Variants in UNC13D observed in about 807,000 individuals in gnomAD.
UNC13D encodes unc-13 homolog D.
A neutral mutation model predicts 151.7 loss-of-function variants in UNC13D; 115 were observed. The observed-to-expected ratio is 0.76, with a 90% CI of 0.65 to 0.88. The LOEUF is 0.88. Among genes scored for constraint, UNC13D ranks in the 40% least tolerant of loss-of-function variants. The pLI is 0.00. For synonymous variants in UNC13D, 588 were observed against 612.2 expected (o/e 0.96, Z 0.58); for missense variants, 1,369 against 1,438.7 (o/e 0.95, Z 0.78).
chr17:75,844,065 T>G, intron 1 of UNC13D, 156 bp downstream of exon 1: 9 of 1,462,522 alleles, frequency 6.2e-6, no homozygotes, highest in Non-Finnish European at 8.2e-6. Context: ...CCTGCTCTGC[T>G]GGCCCAGGGG....
rs777304301 is a variant in UNC13D at position 75,827,917 on chromosome 17, C to T, written c.*48G>A. The T allele has an allele frequency of 5.0e-6, 8 of 1,597,120 alleles. No individual in the cohort carries two copies. The Admixed American group carries it at 1.4e-4, about 27-fold the overall frequency. On this transcript the variant is annotated 3_prime_UTR_variant, in exon 32 of 32. Coordinates refer to ENST00000207549, the MANE Select transcript of UNC13D (RefSeq NM_199242.3). ...GAAGCCCCAGACCCTACAGGAAAGCCCTTGCAAGTCCCCACCGGGGACCCA... is the reference window on the plus strand; with the variant it reads ...GAAGCCCCAGACCCTACAGGAAAGCTCTTGCAAGTCCCCACCGGGGACCCA...
intron 12 of UNC13D, 51 bp downstream of exon 12, chr17:75,839,788 G>A: frequency 1.3e-6 from 2 of 1,583,810 alleles, no homozygotes; most frequent in East Asian, 2.2e-5. Context: ...GGAGGGCAGG[G>A]GGCGTGGGGG....
intron 31 of UNC13D, 117 bp downstream of exon 31, chr17:75,828,670 A>T: frequency 8.3e-7 from 1 of 1,202,016 alleles, no homozygotes; most frequent in Non-Finnish European, 1.1e-6. Flanking sequence ...TGGCTGTCCC[A>T]CTGGCTCCCG....
At position 75,831,098 on chromosome 17, in the gene UNC13D, C is replaced by G. The variant is rs759861038; in HGVS notation, c.2625G>C (p.Gln875His). The change falls in exon 27 of 32, where the codon CAG (glutamine) becomes CAC (histidine). Residue 875 changes from glutamine to histidine, a missense_variant and splice_region_variant. By Grantham distance (24) the Gln-to-His change is conservative. Transcript: ENST00000207549. ...GGGGAAGCTCACCCAAAGCCCCTACCTGGAAGGTGGCAGTGTGCAGGGCCT... is the reference window on the plus strand; with the variant it reads ...GGGGAAGCTCACCCAAAGCCCCTACGTGGAAGGTGGCAGTGTGCAGGGCCT... The part of the protein sequence containing the change: ...PPKALHTATF[Q>H]ALQRDLELQA... 2 of 1,613,924 alleles carry G rather than the reference C, an allele frequency of 1.2e-6. No individual in the cohort carries two copies. Among genetic ancestry groups the G allele is most frequent in the South Asian group, 1.1e-5 (1 of 91,086 alleles).
chr17:75,828,899 G>A lies in UNC13D; in HGVS notation c.3039C>T (p.Asp1013=), dbSNP rs769897808. Residue 1013 remains aspartate (D), a synonymous_variant, in exon 31 of 32, where the codon GAC becomes GAT. Transcript: ENST00000207549. Reference sequence around the variant, plus strand: ...GCGGCAGGAAGGCCTCGCCTTCCAGGTCGTCGGCCCCCAGCGTGTCGTAGT... The same window carrying A: ...GCGGCAGGAAGGCCTCGCCTTCCAGATCGTCGGCCCCCAGCGTGTCGTAGT... ...VLDYDTLGAD[D]LEGEAFLPLR... is the part of the protein sequence containing the mutation. The A allele has an allele frequency of 1.4e-4, 220 of 1,607,020 alleles. No homozygotes were observed. Among genetic ancestry groups the A allele is most frequent in the Non-Finnish European group, 1.8e-4 (217 of 1,179,602 alleles).
Position 75,832,739 on chromosome 17 carries a change from C to T in UNC13D, c.2447+227G>A. ...GTCCCTGCAGCGAGCCTTAGCAGAG[C>T]CTGTTGCACCCATAAGGGAGGTCAC... On this transcript the variant is annotated intron_variant, in intron 25 of 31. Transcript: ENST00000207549. The surrounding 1 kb of genome is among the most constrained non-coding windows in gnomAD (Gnocchi z 4.3). 1 of 498,298 alleles carries T rather than the reference C, an allele frequency of 2.0e-6. No homozygotes were observed. Among genetic ancestry groups the T allele is most frequent in the Non-Finnish European group, 3.7e-6 (1 of 268,446 alleles). 30.9% of individuals were successfully genotyped at this position (498,298 alleles called of 1,614,324 possible).
intron 31 of UNC13D, 136 bp from the exon 32 acceptor site, chr17:75,828,222 C>T (rs2062137548): frequency 1.7e-5 from 23 of 1,341,656 alleles, no homozygotes; most frequent in African/African-American, 4.4e-5. Context: ...GTGACAGACC[C>T]GCGCCAGCCC....
At chr17:75,834,191 G>A in intron 23 of UNC13D, 48 bp from the exon 24 acceptor site, 1 of 1,609,426 alleles carries the variant, frequency 6.2e-7, no homozygotes. Context: ...CATGAGTCGG[G>A]GATGGAAGAG....
intron 1 of UNC13D, 169 bp from the exon 2 acceptor site, chr17:75,843,688 G>A (rs1345523077): frequency 6.8e-7 from 1 of 1,467,642 alleles, no homozygotes; most frequent in Admixed American, 2.3e-5. Flanking sequence ...GCCTCCTGGA[G>A]GTCCGTCCCT....
In UNC13D at chr17:75,830,663, TG is replaced by T; in HGVS notation, c.2626-3del. Reference sequence around the variant, plus strand: ...CAGCTCCAGGTCCCTCTGCAGAGCCTGGGAACACATACAGCTGAGGATCCAC... The same window carrying T: ...CAGCTCCAGGTCCCTCTGCAGAGCCTGGAACACATACAGCTGAGGATCCAC... On this transcript the variant is annotated splice_region_variant and splice_polypyrimidine_tract_variant and intron_variant, in intron 27 of 31. Coordinates refer to ENST00000207549, the MANE Select transcript of UNC13D (RefSeq NM_199242.3). 1 of 1,553,148 alleles carries T rather than the reference TG, an allele frequency of 6.4e-7. No homozygotes were observed. Among genetic ancestry groups the T allele is most frequent in the Non-Finnish European group, 8.7e-7 (1 of 1,148,550 alleles).
At position 75,842,861 on chromosome 17, in the gene UNC13D, G is replaced by A. The variant is rs753392144; in HGVS notation, c.384C>T (p.Val128=). Residue 128 remains valine (V), a synonymous_variant, in exon 5 of 32, where the codon GTC becomes GTT. Transcript: ENST00000207549. The part of the protein sequence containing the change: ...KQAKGILGKD[V]SGFSDPYCLL... ...GGGACCCCACCCCATGCTCACCACT[G>A]ACATCTTTGCCCAGAATGCCCTTGG... The A allele has an allele frequency of 6.2e-7, 1 of 1,613,502 alleles. No individual in the cohort carries two copies. Among genetic ancestry groups the A allele is most frequent in the Non-Finnish European group, 8.5e-7 (1 of 1,179,944 alleles).
At chr17:75,835,828 T>C (rs2064904491) in intron 18 of UNC13D, 27 bp downstream of exon 18, 1 of 1,614,008 alleles carries the variant, frequency 6.2e-7, no homozygotes, top group African/African-American at 1.3e-5. Context: ...TTGGAGGGCA[T>C]GCCCTAGAGA....
chr17:75,836,890 G>C lies in UNC13D; in HGVS notation c.1084C>G (p.Gln362Glu), dbSNP rs1432753375. ...CAGCTGCTGGGGAACTCCAGGCTCT[G>C]GTAGAGGCGGCTGTAGGCCAGCCAC... is the stretch of plus-strand genomic sequence containing the variant. ...AQWLAYSRLY[Q>E]SLEFPSSCLL... The change falls in exon 13 of 32, where the codon CAG becomes GAG. Residue 362 changes from glutamine (Q) to glutamate (E), a missense_variant. Transcript: ENST00000207549. 1 of 1,613,386 alleles carries C rather than the reference G, an allele frequency of 6.2e-7. No individual in the cohort carries two copies.
In UNC13D at chr17:75,833,324, CT is replaced by C. The variant is rs1464929923; in HGVS notation, c.2368-280del. The C allele has an allele frequency of 3.1e-6, 1 of 326,072 alleles. No homozygotes were observed. Among genetic ancestry groups the C allele is most frequent in the Non-Finnish European group, 5.9e-6 (1 of 169,108 alleles). The allele number at this position is 326,072 out of a possible 1,614,324, so 20.2% of individuals were successfully genotyped here. On this transcript the variant is annotated intron_variant, in intron 24 of 31. Transcript: ENST00000207549. This position sits in a 1 kb window ranked among gnomAD's most constrained non-coding sequence, Gnocchi z 4.0. Reference sequence around the variant, plus strand: ...GCCGTTCCCTCTGCCTGGAATGCTCCTCCCCTAGAACTTCTCATGCCTCCTC... The same window carrying C: ...GCCGTTCCCTCTGCCTGGAATGCTCCCCCCTAGAACTTCTCATGCCTCCTC...
chr17:75,835,583 G>T, intron 19 of UNC13D, 54 bp from the exon 20 acceptor site: 1 of 1,610,246 alleles, frequency 6.2e-7, no homozygotes, highest in East Asian at 2.2e-5. Flanking sequence ...ATGGACCCTG[G>T]GGCCTCGTCC....
rs752587161 is a variant in UNC13D at position 75,843,156 on chromosome 17, C to T, written c.261+3G>A. The T allele has an allele frequency of 6.2e-7, 1 of 1,611,730 alleles. No homozygotes were observed. The highest frequency in any genetic ancestry group is 8.5e-7 in the Non-Finnish European group (1 of 1,179,918). On this transcript the variant is annotated splice_donor_region_variant and intron_variant, in intron 3 of 31. Transcript: ENST00000207549. ...AGGGGGGTGGGGTGGGAGCCGGGCT[C>T]ACCTCCTGCAGGTATCGCAGCAGCT...
rs1286966854 is a variant in UNC13D at position 75,832,923 on chromosome 17, G to C, written c.2447+43C>G. On this transcript the variant is annotated intron_variant, in intron 25 of 31. Transcript: ENST00000207549. This position sits in a 1 kb window ranked among gnomAD's most constrained non-coding sequence, Gnocchi z 4.3. ...AGGAAGGAGGGGCCGTGGGAGGAGA[G>C]GGGGAGGTGGCGAGCGCGCCCAGGG... is the stretch of plus-strand genomic sequence containing the variant. The C allele has an allele frequency of 1.9e-6, 3 of 1,542,342 alleles. No individual in the cohort carries two copies. Among genetic ancestry groups the C allele is most frequent in the East Asian group, 2.4e-5 (1 of 42,196 alleles).
At position 75,839,994 on chromosome 17, in the gene UNC13D, C is replaced by A. The variant is rs536455185; in HGVS notation, c.951+24G>T. ...AGGACCTGAAGGGCAGCCCCGGCTGCGCCCAGCCCCAGGAGGGCAATACCT... is the reference window on the plus strand; with the variant it reads ...AGGACCTGAAGGGCAGCCCCGGCTGAGCCCAGCCCCAGGAGGGCAATACCT... On this transcript the variant is annotated intron_variant, in intron 11 of 31. Transcript: ENST00000207549. 4 of 1,613,268 alleles carry A rather than the reference C, an allele frequency of 2.5e-6. No individual in the cohort carries two copies. In the Admixed American group the frequency reaches 6.7e-5, roughly 27 times the overall value.
intron 27 of UNC13D, 134 bp from the exon 28 acceptor site, chr17:75,830,795 C>T: frequency 8.7e-7 from 1 of 1,153,332 alleles, no homozygotes; most frequent in Admixed American, 2.0e-5. Context: ...GGACAACGGG[C>T]TGGGGCCACC....
Sources: allele counts gnomAD v4.1 joint callset, GRCh38; gene constraint gnomAD v4.1.1; non-coding constraint Gnocchi (gnomAD v3.1); transcripts MANE v1.5; gene names NCBI Gene and HGNC (gene_info 2026-07-23, HGNC 2026-07-21).